Variants in FHIT observed in about 807,000 individuals in gnomAD.
FHIT encodes the protein fragile histidine triad diadenosine triphosphatase, also known as bis(5'-adenosyl)-triphosphatase.
A neutral mutation model predicts 17.9 loss-of-function variants in FHIT; 19 were observed. The observed-to-expected ratio is 1.06, with a 90% CI of 0.74 to 1.56. The LOEUF (loss-of-function observed/expected upper bound fraction) is 1.56, where lower values mean the gene tolerates loss of function less well. FHIT is among the 40% of genes most tolerant of loss of function. The pLI is 0.00. For missense variants in FHIT, 248 were observed against 189.2 expected (o/e 1.31, Z -1.82); for synonymous variants, 81 against 69.7 (o/e 1.16, Z -0.81).
chr3:61,243,935 C>T (rs1384417492), intron 1 of FHIT: 1 of 152,170 alleles, frequency 6.6e-6, no homozygotes, highest in Non-Finnish European at 1.5e-5. Flanking sequence ...GCTTTTCTTT[C>T]ATTCCCAAAG....
At chr3:60,546,382 A>C (rs1196464599) in intron 4 of FHIT, among the ~76,000 whole-genome samples, 1 of 152,212 alleles carries the variant, frequency 6.6e-6, no homozygotes. Flanking sequence ...GTTTAAAAGC[A>C]GATCAGGATC....
chr3:60,370,667 G>C (rs1700289640), intron 5 of FHIT, among the ~76,000 whole-genome samples: 1 of 151,730 alleles, frequency 6.6e-6, no homozygotes, highest in African/African-American at 2.4e-5. Context: ...GCATCACTAA[G>C]CCCCAAGAGC....
At chr3:60,955,348 G>A (rs1464869019) in intron 3 of FHIT, among the ~76,000 whole-genome samples, 1 of 151,994 alleles carries the variant, frequency 6.6e-6, no homozygotes, top group East Asian at 1.9e-4. Context: ...GTGTGCCTCA[G>A]TAAGTGGGTT....
intron 7 of FHIT, among the ~76,000 whole-genome samples, chr3:59,978,842 G>A (rs1356939122): frequency 6.6e-6 from 1 of 151,802 alleles, no homozygotes; most frequent in Middle Eastern, 3.4e-3. Context: ...CAATGGTCTG[G>A]ATATTTGTGA....
chr3:60,698,430 G>A (rs1224971537), intron 4 of FHIT, among the ~76,000 whole-genome samples: 1 of 152,124 alleles, frequency 6.6e-6, no homozygotes, highest in Non-Finnish European at 1.5e-5. Context: ...ATAAGTGTTT[G>A]AGAACAAGCT....
In FHIT at chr3:60,756,562, T is replaced by A. The variant is rs1319251763; in HGVS notation, c.-18+65357A>T. Among the ~76,000 whole-genome samples, 7 of 152,040 alleles carry A rather than the reference T, an allele frequency of 4.6e-5. No individual in the cohort carries two copies. In the East Asian group the frequency reaches 1.4e-3, roughly 29 times the overall value. On this transcript the variant is annotated intron_variant, in intron 4 of 9. Transcript: ENST00000492590. Reference sequence around the variant, plus strand: ...GAATATGGACATGAGATTCAAAGACTAATAAAATGGGTTGGGGAGACGGTA... The same window carrying A: ...GAATATGGACATGAGATTCAAAGACAAATAAAATGGGTTGGGGAGACGGTA...
intron 5 of FHIT, among the ~76,000 whole-genome samples, chr3:60,237,245 A>G (rs1361906198): frequency 1.3e-5 from 2 of 150,516 alleles, no homozygotes; most frequent in African/African-American, 2.5e-5. Context: ...GTGAATATTA[A>G]CAGGTTTTGT....
At chr3:60,124,809 ACT>A (rs1705466293) in intron 5 of FHIT, among the ~76,000 whole-genome samples, 1 of 151,988 alleles carries the variant, frequency 6.6e-6, no homozygotes, top group Admixed American at 6.6e-5. Context: ...ACTATTACTG[ACT>A]CTCTCGACTT....
At chr3:60,646,604 T>C (rs1175658597) in intron 4 of FHIT, among the ~76,000 whole-genome samples, 3 of 152,188 alleles carry the variant, frequency 2.0e-5, no homozygotes, top group Non-Finnish European at 4.4e-5. Flanking sequence ...GAGAACTTTA[T>C]AAAAATAATT....
chr3:61,000,206 T>C (rs897413230), intron 3 of FHIT, among the ~76,000 whole-genome samples: 2 of 152,004 alleles, frequency 1.3e-5, no homozygotes, highest in Non-Finnish European at 2.9e-5. Flanking sequence ...TGGGAGAGGG[T>C]TGTCTATGGG....
At chr3:60,873,081 G>GT (rs779708425) in intron 3 of FHIT, among the ~76,000 whole-genome samples, 218 of 152,088 alleles carry the variant, frequency 1.4e-3, no homozygotes, top group Non-Finnish European at 2.3e-3. Flanking sequence ...ACCAACTTGG[G>GT]TTTTTTGTCT....
At chr3:60,613,289 T>C (rs79153890) in intron 4 of FHIT, among the ~76,000 whole-genome samples, 2,330 of 152,166 alleles carry the variant, frequency 0.015, 68 homozygotes, top group African/African-American at 0.054. Context: ...TCTGGGAACA[T>C]GGAGTGAAAC....
chr3:60,234,795 G>C (rs1283467551), intron 5 of FHIT, among the ~76,000 whole-genome samples: 1 of 152,166 alleles, frequency 6.6e-6, no homozygotes, highest in African/African-American at 2.4e-5. Flanking sequence ...GTCACCTTCA[G>C]AGCTTGCTTC....
chr3:60,252,908 GA>G (rs1266541044), intron 5 of FHIT, among the ~76,000 whole-genome samples: 2 of 152,030 alleles, frequency 1.3e-5, no homozygotes, highest in Admixed American at 1.3e-4. Context: ...TGAGGCAGGA[GA>G]ATGCCGTGAA....
intron 5 of FHIT, among the ~76,000 whole-genome samples, chr3:60,489,107 G>C (rs1378748687): frequency 2.0e-5 from 3 of 152,062 alleles, no homozygotes; most frequent in Admixed American, 6.6e-5. Context: ...TTAATAAATA[G>C]CATTCATTAG....
chr3:60,473,695 G>C (rs1449937304), intron 5 of FHIT, among the ~76,000 whole-genome samples: 1 of 152,138 alleles, frequency 6.6e-6, no homozygotes, highest in Non-Finnish European at 1.5e-5. Context: ...AAGGTTGGTA[G>C]ATTGCCTCAG....
intron 8 of FHIT, among the ~76,000 whole-genome samples, chr3:59,836,545 T>C (rs996362741): frequency 6.6e-6 from 1 of 152,158 alleles, no homozygotes; most frequent in Non-Finnish European, 1.5e-5. Context: ...GGCCCTGCGG[T>C]TTGCCTTCTG....
Position 60,992,051 on chromosome 3 carries a change from C to T in FHIT, c.-111+49996G>A, listed in dbSNP as rs575806205. ...AACTGGAAATAATTCAGATGCTCAC[C>T]AACAGGAACATGAATCTTGATATCA... is the stretch of plus-strand genomic sequence containing the variant. On this transcript the variant is annotated intron_variant, in intron 3 of 9. Coordinates refer to ENST00000492590, the MANE Select transcript of FHIT (RefSeq NM_002012.4). 4.7e-4 allele frequency among the ~76,000 whole-genome samples: 71 copies of T among 152,168 alleles called. No individual in the cohort carries two copies. The Middle Eastern group carries it at 0.01, about 22-fold the overall frequency.
intron 5 of FHIT, among the ~76,000 whole-genome samples, chr3:60,311,165 G>A (rs530238593): frequency 1.7e-4 from 26 of 151,966 alleles, no homozygotes; most frequent in South Asian, 4.2e-4. Flanking sequence ...TAACTCTTAA[G>A]TCTCCTTTAA....
Sources: allele counts gnomAD v4.1 joint callset (sites outside exome capture counted in the v4.1 genomes callset), GRCh38; gene constraint gnomAD v4.1.1; transcripts MANE v1.5; gene names NCBI Gene and HGNC (gene_info 2026-07-23, HGNC 2026-07-21).